Variants in ARHGEF10 observed in about 807,000 individuals in gnomAD.
ARHGEF10 encodes the protein Rho guanine nucleotide exchange factor 10.
In ARHGEF10, 140 loss-of-function variants were observed where a neutral mutation model predicts 147.4. That is an observed-to-expected ratio of 0.95 (90% CI 0.83 to 1.09). The LOEUF (loss-of-function observed/expected upper bound fraction) is 1.09, where lower values mean the gene tolerates loss of function less well. Among genes scored for constraint, ARHGEF10 ranks in the 50% least tolerant of loss-of-function variants. The pLI is 0.00. For missense variants in ARHGEF10, 2,222 were observed against 1,752.7 expected, an observed-to-expected ratio of 1.27 and a Z score of -4.78; for synonymous variants, 902 against 695.8, an observed-to-expected ratio of 1.30 and a Z score of -4.67.
intron 18 of ARHGEF10, among the ~76,000 whole-genome samples, chr8:1,916,484 G>A (rs1377131879): frequency 5.3e-5 from 8 of 152,168 alleles, no homozygotes; most frequent in African/African-American, 1.7e-4. Flanking sequence ...AACCAAACTG[G>A]ATTTTAGTCA....
intron 5 of ARHGEF10, 88 bp from the exon 6 acceptor site, chr8:1,866,438 C>G: frequency 9.8e-7 from 1 of 1,021,970 alleles, no homozygotes; most frequent in East Asian, 2.4e-5. Context: ...CACACACACA[C>G]ACACACACAC....
At chr8:1,888,177 G>A (rs1407493894) in intron 11 of ARHGEF10, among the ~76,000 whole-genome samples, 11 of 69,966 alleles carry the variant, frequency 1.6e-4, no homozygotes, top group African/African-American at 9.4e-4. Flanking sequence ...GAGACAGTGA[G>A]TGGGGTGAGG....
chr8:1,875,541 T>TC (rs1364417914), intron 7 of ARHGEF10, among the ~76,000 whole-genome samples: 1 of 152,214 alleles, frequency 6.6e-6, no homozygotes, highest in African/African-American at 2.4e-5. Flanking sequence ...GTGATCATTG[T>TC]CCGTGGCACA....
rs536983860 is a variant in ARHGEF10 at position 1,869,782 on chromosome 8, A to G, written c.679+532A>G. Reference sequence around the variant, plus strand: ...TCCCGAGAGCAACTGGAGAGAAAACATGGCTGCCTACACAGGAACCGCTAT... The same window carrying G: ...TCCCGAGAGCAACTGGAGAGAAAACGTGGCTGCCTACACAGGAACCGCTAT... On this transcript the variant is annotated intron_variant, in intron 7 of 28. Coordinates refer to ENST00000349830, the MANE Select transcript of ARHGEF10 (RefSeq NM_014629.4). 5 of 201,092 alleles carry G rather than the reference A, an allele frequency of 2.5e-5. No homozygotes were observed. In the South Asian group the frequency reaches 4.0e-4, roughly 16 times the overall value. 12.5% of individuals were successfully genotyped at this position (201,092 alleles called of 1,614,324 possible).
chr8:1,868,526 A>C lies in ARHGEF10; in HGVS notation c.623-668A>C, dbSNP rs200722038. Among the ~76,000 whole-genome samples the C allele has an allele frequency of 1.2e-4, 18 of 152,372 alleles. No individual in the cohort carries two copies. The East Asian group carries it at 2.9e-3, about 24-fold the overall frequency. On this transcript the variant is annotated intron_variant, in intron 6 of 28. Coordinates refer to ENST00000349830, the MANE Select transcript of ARHGEF10 (RefSeq NM_014629.4). ...GGTGTCCTGTGTGGTCATCTCATAC[A>C]GCACGGTTTTGCTTACAGAACTTGC...
intron 8 of ARHGEF10, among the ~76,000 whole-genome samples, chr8:1,877,209 C>T (rs1405828275): frequency 1.3e-5 from 2 of 152,156 alleles, no homozygotes; most frequent in Non-Finnish European, 2.9e-5. Context: ...CTAAACTGAC[C>T]TGTGACAATC....
intron 21 of ARHGEF10, 58 bp downstream of exon 21, chr8:1,923,932 C>G: frequency 6.6e-7 from 1 of 1,511,016 alleles, no homozygotes; most frequent in South Asian, 1.1e-5. Context: ...GAATTCCTGC[C>G]CACGAGGGTG....
intron 1 of ARHGEF10, among the ~76,000 whole-genome samples, chr8:1,827,467 C>T (rs1316937776): frequency 6.6e-6 from 1 of 152,102 alleles, no homozygotes; most frequent in Non-Finnish European, 1.5e-5. Context: ...CACCACCGTG[C>T]CCGGCTAATT....
At chr8:1,824,291 C>T (rs1445826679) in intron 1 of ARHGEF10, among the ~76,000 whole-genome samples, 178 bp downstream of exon 1, 2 of 151,960 alleles carry the variant, frequency 1.3e-5, no homozygotes, top group South Asian at 2.1e-4. Flanking sequence ...CCGAGCAGCT[C>T]CCCCTTCCGC....
chr8:1,919,240 T>G (rs1299795799), intron 18 of ARHGEF10, among the ~76,000 whole-genome samples: 2 of 141,890 alleles, frequency 1.4e-5, no homozygotes, highest in African/African-American at 2.7e-5. Flanking sequence ...AGCTGTTCTG[T>G]CGAGTGATGG....
At chr8:1,952,627 G>A (rs1196321944) in intron 27 of ARHGEF10, 78 bp from the exon 28 acceptor site, 2 of 1,587,818 alleles carry the variant, frequency 1.3e-6, no homozygotes, top group Non-Finnish European at 1.7e-6. Context: ...GGCCTGTGGG[G>A]TTTCCAGCAC....
rs551764103 is a variant in ARHGEF10, at chr8:1,923,367, T to C, written c.2260-101T>C. ...TTTTTCATAATCTAATAGTTTCATT[T>C]GGTCTGAATTTCTCATATTAAAATT... On this transcript the variant is annotated intron_variant, in intron 19 of 28. Transcript: ENST00000349830. The C allele has an allele frequency of 2.0e-6, 3 of 1,527,276 alleles. No homozygotes were observed. The South Asian group carries it at 3.5e-5, about 18-fold the overall frequency. 94.6% of individuals were successfully genotyped at this position (1,527,276 alleles called of 1,614,324 possible). A position where few individuals can be genotyped will look rare whatever the true frequency, so the allele number is the denominator to read the frequency against.
intron 9 of ARHGEF10, among the ~76,000 whole-genome samples, chr8:1,881,387 C>T (rs969193754): frequency 1.3e-5 from 2 of 152,134 alleles, no homozygotes; most frequent in Non-Finnish European, 1.5e-5. Flanking sequence ...GGTTCACAGC[C>T]CAAATCTGGG....
At chr8:1,953,326 G>A (rs1322954643) in intron 28 of ARHGEF10, among the ~76,000 whole-genome samples, 1 of 65,708 alleles carries the variant, frequency 1.5e-5, no homozygotes, top group African/African-American at 5.8e-5. Flanking sequence ...CGGGATCTCC[G>A]TCGTTCCTTT....
rs1360527342 is a variant in ARHGEF10, at chr8:1,824,016, A to AACGGCGGGGGACGGCGGGGG, written c.-126_-125insGACGGCGGGGGACGGCGGGG. ...GCGGGGGACGCGGGGGACGGCGGGG[A>AACGGCGGGGGACGGCGGGGG]ACGGCGGGGGACGGCGGGGAACAGC... On this transcript the variant is annotated 5_prime_UTR_variant, in exon 1 of 29. Transcript: ENST00000349830. 14 of 96,836 alleles carry AACGGCGGGGGACGGCGGGGG rather than the reference A, an allele frequency of 1.4e-4. No individual in the cohort carries two copies. Among genetic ancestry groups the AACGGCGGGGGACGGCGGGGG allele is most frequent in the African/African-American group, 4.9e-4 (11 of 22,670 alleles). 6.0% of individuals were successfully genotyped at this position (96,836 alleles called of 1,614,324 possible). A position where few individuals can be genotyped will look rare whatever the true frequency, so the allele number is the denominator to read the frequency against.
At chr8:1,855,356 GACTTTTTTTGGGGTGGTCAGAACAGAA>G (rs1805469003) in intron 2 of ARHGEF10, among the ~76,000 whole-genome samples, 1 of 152,148 alleles carries the variant, frequency 6.6e-6, no homozygotes, top group African/African-American at 2.4e-5. Context: ...GCCTGGCAGT[GACTTTTTTTGGGGTGGTCAGAACAGAA>G]ACTTTTTTTG....
intron 26 of ARHGEF10, among the ~76,000 whole-genome samples, chr8:1,935,078 G>A (rs1420803785): frequency 6.6e-6 from 1 of 152,108 alleles, no homozygotes; most frequent in African/African-American, 2.4e-5. Flanking sequence ...AGCCTCCTTA[G>A]CAACTAACAT....
chr8:1,956,972 A>G lies in ARHGEF10; in HGVS notation c.3744A>G (p.Gly1248=). 1 of 1,614,134 alleles carries G rather than the reference A, an allele frequency of 6.2e-7. No individual in the cohort carries two copies. The highest frequency in any genetic ancestry group is 1.3e-5 in the African/African-American group (1 of 75,056). The change falls in exon 29 of 29, where the codon GGA becomes GGG. Residue 1248 remains glycine, a synonymous_variant. Coordinates refer to ENST00000349830, the MANE Select transcript of ARHGEF10 (RefSeq NM_014629.4). The stretch of plus-strand genomic sequence containing the variant: ...CCATCTGGTTGGGAGATTCGCTGGG[A>G]TCGATGACTCAGAAAAGCGACCTGT... ...DAAIWLGDSL[G]SMTQKSDLSS... is the part of the protein sequence containing the mutation.
At chr8:1,838,862 G>A (rs1803750408) in intron 1 of ARHGEF10, among the ~76,000 whole-genome samples, 1 of 151,892 alleles carries the variant, frequency 6.6e-6, no homozygotes, top group Non-Finnish European at 1.5e-5. Context: ...TCTGGTGTGG[G>A]GACTGTCCAG....
Sources: allele counts gnomAD v4.1 joint callset (sites outside exome capture counted in the v4.1 genomes callset), GRCh38; gene constraint gnomAD v4.1.1; transcripts MANE v1.5; gene names NCBI Gene and HGNC (gene_info 2026-07-23, HGNC 2026-07-21).